Variants in NOL4 observed in about 807,000 individuals in gnomAD.
The protein encoded by NOL4 is cancer/testis antigen 125.
Under a neutral mutation model 75.9 loss-of-function variants are expected in NOL4, and 17 were observed. That is an observed-to-expected ratio of 0.22 (90% CI 0.15 to 0.34). NOL4 has a LOEUF of 0.34. NOL4 is among the 10% of genes least tolerant of loss of function. The probability of loss-of-function intolerance (pLI) is 1.00; values close to 1 mark genes in which losing one functional copy is unlikely to be tolerated. For missense variants in NOL4, 614 were observed against 793.5 expected (o/e 0.77, Z 2.72); for synonymous variants, 292 against 289.9 (o/e 1.01, Z -0.07).
At chr18:34,092,396 C>G (rs1016358222) in intron 5 of NOL4, among the ~76,000 whole-genome samples, 2 of 152,054 alleles carry the variant, frequency 1.3e-5, no homozygotes, top group Admixed American at 1.3e-4. Flanking sequence ...ATAACTCATG[C>G]TAACAAGGAC....
chr18:34,219,214 A>G (rs1041587328), intron 1 of NOL4, among the ~76,000 whole-genome samples: 7 of 152,364 alleles, frequency 4.6e-5, no homozygotes, highest in South Asian at 4.1e-4. Flanking sequence ...AAAGAAATAT[A>G]TATAAGAAAG....
At chr18:33,861,712 G>A (rs1336063406) in intron 10 of NOL4, among the ~76,000 whole-genome samples, 3 of 152,196 alleles carry the variant, frequency 2.0e-5, no homozygotes, top group Non-Finnish European at 4.4e-5. Flanking sequence ...CACCTTATAA[G>A]GGACATGAAG....
chr18:34,189,762 A>T (rs2034771494), intron 1 of NOL4, among the ~76,000 whole-genome samples: 1 of 152,074 alleles, frequency 6.6e-6, no homozygotes, highest in Non-Finnish European at 1.5e-5. Flanking sequence ...CTTTATTTTG[A>T]GTCCTCATTT....
At chr18:34,177,896 A>T (rs551778797) in intron 1 of NOL4, among the ~76,000 whole-genome samples, 4 of 152,042 alleles carry the variant, frequency 2.6e-5, no homozygotes, top group African/African-American at 7.2e-5. Flanking sequence ...ACTAGAAAGT[A>T]ATTTGAATCC....
At chr18:34,066,439 T>G (rs1396049989) in intron 5 of NOL4, among the ~76,000 whole-genome samples, 1 of 151,954 alleles carries the variant, frequency 6.6e-6, no homozygotes, top group African/African-American at 2.4e-5. Context: ...TACTACAATA[T>G]AGCCTTAAAT....
At chr18:34,106,712 A>G (rs2079300775) in intron 2 of NOL4, among the ~76,000 whole-genome samples, 1 of 151,754 alleles carries the variant, frequency 6.6e-6, no homozygotes, top group African/African-American at 2.4e-5. Flanking sequence ...TTCCCTATAA[A>G]CACACACAGC....
At chr18:33,998,088 A>T (rs2073422883) in intron 6 of NOL4, among the ~76,000 whole-genome samples, 1 of 152,086 alleles carries the variant, frequency 6.6e-6, no homozygotes, top group African/African-American at 2.4e-5. Flanking sequence ...CTACAGAGCC[A>T]GAGGTAGTTT....
intron 1 of NOL4, among the ~76,000 whole-genome samples, chr18:34,186,366 T>C (rs1357560950): frequency 6.6e-6 from 1 of 152,176 alleles, no homozygotes; most frequent in Non-Finnish European, 1.5e-5. Context: ...CCCTGTGTAA[T>C]TACTAAAGTA....
chr18:34,059,742 T>C (rs2076992802), intron 5 of NOL4, among the ~76,000 whole-genome samples: 1 of 152,046 alleles, frequency 6.6e-6, no homozygotes, highest in Admixed American at 6.6e-5. Context: ...CTTGGGAAGG[T>C]CTGTCAAGTT....
At chr18:34,109,896 T>C (rs150539645) in intron 2 of NOL4, among the ~76,000 whole-genome samples, 38 of 151,462 alleles carry the variant, frequency 2.5e-4, no homozygotes, top group African/African-American at 8.7e-4. Flanking sequence ...ACAAATCGGA[T>C]AACACAAAAG....
At chr18:33,882,549 G>A (rs1265661779) in intron 10 of NOL4, among the ~76,000 whole-genome samples, 3 of 150,946 alleles carry the variant, frequency 2.0e-5, no homozygotes, top group African/African-American at 7.3e-5. Flanking sequence ...TAAAAAGTCA[G>A]GAAACAACAG....
intron 1 of NOL4, among the ~76,000 whole-genome samples, chr18:34,198,365 T>C (rs2035486795): frequency 6.6e-6 from 1 of 151,950 alleles, no homozygotes; most frequent in Non-Finnish European, 1.5e-5. Context: ...CGCCAATTTG[T>C]CTGCCTCATA....
intron 6 of NOL4, among the ~76,000 whole-genome samples, chr18:33,989,432 A>C (rs1220948942): frequency 1.3e-5 from 2 of 152,054 alleles, no homozygotes; most frequent in African/African-American, 4.8e-5. Flanking sequence ...CCAAGCCAAG[A>C]GATAACTTTT....
chr18:33,975,260 G>A lies in NOL4; in HGVS notation c.1057-16842C>T, dbSNP rs530057052. 5.9e-5 allele frequency among the ~76,000 whole-genome samples: 9 copies of A among 152,296 alleles called. No individual in the cohort carries two copies. The South Asian group carries it at 1.0e-3, about 18-fold the overall frequency. ...AGATCTGTCGCACAACATTGTGAAT[G>A]TAGTTAACTGTACACTTAAAAATAG... On this transcript the variant is annotated intron_variant, in intron 6 of 10. Transcript: ENST00000261592.
At chr18:34,047,816 A>C (rs975720121) in intron 5 of NOL4, among the ~76,000 whole-genome samples, 3 of 152,106 alleles carry the variant, frequency 2.0e-5, no homozygotes, top group African/African-American at 7.2e-5. Flanking sequence ...AACAAAATCC[A>C]TCTGAGGCGA....
intron 9 of NOL4, among the ~76,000 whole-genome samples, chr18:33,901,179 G>A (rs2065727753): frequency 6.6e-6 from 1 of 152,014 alleles, no homozygotes; most frequent in Admixed American, 6.6e-5. Flanking sequence ...TCAGGGTTTG[G>A]CATCAGATCA....
chr18:34,100,973 C>T (rs2079018491), intron 4 of NOL4, among the ~76,000 whole-genome samples: 1 of 152,156 alleles, frequency 6.6e-6, no homozygotes, highest in African/African-American at 2.4e-5. Flanking sequence ...AATACCAATT[C>T]TACCCTACTT....
intron 9 of NOL4, among the ~76,000 whole-genome samples, chr18:33,899,285 C>T (rs546864041): frequency 6.6e-6 from 1 of 152,062 alleles, no homozygotes; most frequent in Non-Finnish European, 1.5e-5. Flanking sequence ...TTCTTTTCAC[C>T]CTGATCTTAA....
intron 10 of NOL4, among the ~76,000 whole-genome samples, chr18:33,866,150 T>C (rs2063418127): frequency 6.6e-6 from 1 of 152,148 alleles, no homozygotes; most frequent in African/African-American, 2.4e-5. Context: ...CTTCATAATA[T>C]ATTCCTGGAC....
Sources: gnomAD v4.1 joint callset for allele counts (sites outside exome capture counted in the v4.1 genomes callset) on GRCh38, gnomAD v4.1.1 for gene constraint, MANE v1.5 for transcripts, NCBI Gene and HGNC (gene_info 2026-07-23, HGNC 2026-07-21) for gene names.